Variants in NAV2 observed in about 807,000 individuals in gnomAD.
NAV2 encodes the protein helicase, APC down-regulated 1.
NAV2 carries 54 observed loss-of-function variants against 223.2 expected under a neutral mutation model. That is an observed-to-expected ratio of 0.24 (90% CI 0.19 to 0.30). The LOEUF (loss-of-function observed/expected upper bound fraction) is 0.30, where lower values mean the gene tolerates loss of function less well. Ranked by LOEUF, NAV2 falls within the 10% of genes least tolerant of loss-of-function variation. The pLI is 1.00. For missense variants in NAV2, 2,806 were observed against 3,147.5 expected (o/e 0.89, Z 2.60); for synonymous variants, 1,279 against 1,239.3 (o/e 1.03, Z -0.67).
chr11:19,594,671 T>C (rs913441654), intron 1 of NAV2, among the ~76,000 whole-genome samples: 2 of 152,106 alleles, frequency 1.3e-5, no homozygotes, highest in African/African-American at 2.4e-5. Context: ...AGTGATTGTA[T>C]AGATTAAATA....
At chr11:19,729,328 AC>A (rs1361754491) in intron 1 of NAV2, among the ~76,000 whole-genome samples, 1 of 152,136 alleles carries the variant, frequency 6.6e-6, no homozygotes, top group Non-Finnish European at 1.5e-5. Flanking sequence ...TGATGAACAG[AC>A]GGTGGAGAGC....
intron 1 of NAV2, among the ~76,000 whole-genome samples, chr11:19,688,876 A>G (rs1430918993): frequency 2.0e-5 from 3 of 152,184 alleles, no homozygotes; most frequent in Non-Finnish European, 4.4e-5. Flanking sequence ...TCCAGGCACA[A>G]TTATTAATAG....
At chr11:19,637,850 G>C (rs924423148) in intron 1 of NAV2, among the ~76,000 whole-genome samples, 1 of 152,258 alleles carries the variant, frequency 6.6e-6, no homozygotes, top group African/African-American at 2.4e-5. Context: ...GGTAAGGACA[G>C]TATCCAAACT....
At chr11:19,435,338 G>A (rs1851178456) in intron 1 of NAV2, among the ~76,000 whole-genome samples, 1 of 151,814 alleles carries the variant, frequency 6.6e-6, no homozygotes, top group South Asian at 2.1e-4. Flanking sequence ...TTGTCTCTCT[G>A]TGCCTGGCTT....
intron 6 of NAV2, among the ~76,000 whole-genome samples, chr11:19,898,526 T>C (rs1220730333): frequency 6.6e-6 from 1 of 152,240 alleles, no homozygotes; most frequent in Non-Finnish European, 1.5e-5. Context: ...CATAGGTCAT[T>C]CTTTCTTCCT....
chr11:20,076,857 C>G (rs1388518128), intron 22 of NAV2, among the ~76,000 whole-genome samples: 1 of 152,176 alleles, frequency 6.6e-6, no homozygotes, highest in Non-Finnish European at 1.5e-5. Context: ...AATGGTACAT[C>G]TTATGTCATA....
At chr11:19,618,404 G>GGATGAATGAATA (rs1565105270) in intron 1 of NAV2, among the ~76,000 whole-genome samples, 102 of 37,060 alleles carry the variant, frequency 2.8e-3, no homozygotes, top group African/African-American at 4.2e-3. Flanking sequence ...ATGAATAGAT[G>GGATGAATGAATA]GATGGATGGA....
chr11:20,023,184 T>C, intron 11 of NAV2: 3 of 1,514,066 alleles, frequency 2.0e-6, no homozygotes, highest in South Asian at 1.2e-5. Context: ...GTGGTGCATG[T>C]ACTGCCTTGT....
intron 11 of NAV2, among the ~76,000 whole-genome samples, chr11:20,018,061 A>G (rs1016518682): frequency 1.3e-5 from 2 of 152,208 alleles, no homozygotes; most frequent in Non-Finnish European, 2.9e-5. Context: ...AAGTCAGTAT[A>G]AAAGTGAAAC....
chr11:19,998,546 C>T lies in NAV2; in HGVS notation c.2768+14299C>T, dbSNP rs2052180875. The stretch of plus-strand genomic sequence containing the variant: ...AGGTCAGACTCCTTGCCGTGGCCTC[C>T]AAGGGGGTGTGTGTTCTGGCCCCTG... On this transcript the variant is annotated intron_variant, in intron 11 of 37. Coordinates refer to ENST00000349880, the MANE Select transcript of NAV2 (RefSeq NM_145117.5). The surrounding 1 kb of genome is among the most constrained non-coding windows in gnomAD (Gnocchi z 5.0). Among the ~76,000 whole-genome samples the T allele has an allele frequency of 6.6e-6, 1 of 152,146 alleles. No homozygotes were observed. Among genetic ancestry groups the T allele is most frequent in the Non-Finnish European group, 1.5e-5 (1 of 68,018 alleles).
intron 34 of NAV2, chr11:20,104,921 C>T: frequency 6.6e-6 from 1 of 152,502 alleles, no homozygotes; most frequent in Non-Finnish European, 1.5e-5. Flanking sequence ...GCAAAGGCTG[C>T]AGCATCACCC....
At chr11:19,778,415 A>G in intron 1 of NAV2, 1 of 454,656 alleles carries the variant, frequency 2.2e-6, no homozygotes, top group South Asian at 1.6e-5. Flanking sequence ...CTGGCATATA[A>G]AAAGGATTCA....
At chr11:19,475,273 T>C (rs2042082763) in intron 1 of NAV2, among the ~76,000 whole-genome samples, 1 of 152,248 alleles carries the variant, frequency 6.6e-6, no homozygotes, top group Admixed American at 6.5e-5. Context: ...TTTTCTGTCC[T>C]CTTGTTTCTC....
At chr11:19,714,069 C>T (rs2152317998) in intron 1 of NAV2, 107 bp downstream of exon 1, 1 of 1,438,496 alleles carries the variant, frequency 7.0e-7, no homozygotes, top group Non-Finnish European at 9.4e-7. Context: ...TACCATGTGG[C>T]CAGGGAAGGG....
chr11:19,957,560 A>T (rs4757867), intron 10 of NAV2, among the ~76,000 whole-genome samples: 1 of 152,348 alleles, frequency 6.6e-6, no homozygotes, highest in South Asian at 2.1e-4. Context: ...GGGGCAGCAT[A>T]AACTGAACAC....
At chr11:19,759,350 T>A (rs942391963) in intron 1 of NAV2, among the ~76,000 whole-genome samples, 7 of 152,152 alleles carry the variant, frequency 4.6e-5, no homozygotes, top group Non-Finnish European at 8.8e-5. Flanking sequence ...CCCAAAGTGC[T>A]GGGATTACAG....
intron 6 of NAV2, among the ~76,000 whole-genome samples, chr11:19,903,303 T>C (rs984693570): frequency 6.6e-6 from 1 of 152,180 alleles, no homozygotes; most frequent in African/African-American, 2.4e-5. Flanking sequence ...TGTGGACGAA[T>C]GGTCATGCTA....
upstream of NAV2, among the ~76,000 whole-genome samples, chr11:19,346,762 C>T (rs1014103496): frequency 6.6e-6 from 1 of 152,136 alleles, no homozygotes; most frequent in Non-Finnish European, 1.5e-5. Flanking sequence ...AGCAAAAAAG[C>T]CCCTAGATTA....
At chr11:19,799,595 A>C (rs1159164148) in intron 1 of NAV2, among the ~76,000 whole-genome samples, 3 of 151,982 alleles carry the variant, frequency 2.0e-5, no homozygotes, top group East Asian at 3.9e-4. Context: ...TGGCGGGGTG[A>C]AGAACTGCTG....
Sources: gnomAD v4.1 joint callset for allele counts (sites outside exome capture counted in the v4.1 genomes callset) on GRCh38, gnomAD v4.1.1 for gene constraint, Gnocchi (gnomAD v3.1) non-coding constraint, MANE v1.5 for transcripts, NCBI Gene and HGNC (gene_info 2026-07-23, HGNC 2026-07-21) for gene names.